The following CYTH1 variants were observed in gnomAD, a reference collection of about 807,000 sequenced individuals.
CYTH1 encodes cytohesin-1.
A neutral mutation model predicts 61.8 loss-of-function variants in CYTH1; 18 were observed. The ratio of observed to expected loss-of-function variants is 0.29; its 90% confidence interval spans 0.20 to 0.43. The LOEUF is 0.43. CYTH1 is among the 20% of genes least tolerant of loss of function. The pLI is 1.00. For missense variants in CYTH1, 336 were observed against 510.5 expected, an observed-to-expected ratio of 0.66 and a Z score of 3.29; for synonymous variants, 174 against 184.3, an observed-to-expected ratio of 0.94 and a Z score of 0.45.
intron 1 of CYTH1, among the ~76,000 whole-genome samples, chr17:78,735,365 C>T (rs1281430274): frequency 6.6e-6 from 1 of 152,238 alleles, no homozygotes; most frequent in African/African-American, 2.4e-5. Flanking sequence ...AGGCCCGGCT[C>T]ACTCCTGCTG....
chr17:78,727,182 C>T (rs1356615387), intron 1 of CYTH1, among the ~76,000 whole-genome samples: 1 of 152,222 alleles, frequency 6.6e-6, no homozygotes, highest in Non-Finnish European at 1.5e-5. Flanking sequence ...GCCCATGAGG[C>T]GTCCCCAAAC....
chr17:78,735,426 G>A (rs1266338568), intron 1 of CYTH1, among the ~76,000 whole-genome samples: 2 of 152,166 alleles, frequency 1.3e-5, no homozygotes, highest in African/African-American at 4.8e-5. Context: ...TGTTCCCTTT[G>A]GAACTAGATC....
chr17:78,754,006 T>C (rs2093390824), intron 1 of CYTH1, among the ~76,000 whole-genome samples: 1 of 152,260 alleles, frequency 6.6e-6, no homozygotes, highest in South Asian at 2.1e-4. Flanking sequence ...TGCAAACACC[T>C]GGCTGATGGC....
intron 1 of CYTH1, among the ~76,000 whole-genome samples, chr17:78,748,954 C>T (rs573358880): frequency 1.3e-5 from 2 of 152,296 alleles, no homozygotes; most frequent in African/African-American, 4.8e-5. Context: ...CAGCGCGGTC[C>T]TGCCACAGCC....
At chr17:78,777,955 GCACA>G (rs1034033175) in intron 1 of CYTH1, among the ~76,000 whole-genome samples, 1 of 151,970 alleles carries the variant, frequency 6.6e-6, no homozygotes, top group African/African-American at 2.4e-5. Context: ...TGAAAACAGC[GCACA>G]CACAAAGTTA....
intron 1 of CYTH1, among the ~76,000 whole-genome samples, chr17:78,762,883 A>G (rs923526230): frequency 2.0e-5 from 3 of 152,172 alleles, no homozygotes; most frequent in African/African-American, 7.2e-5. Context: ...GCTGAAATAC[A>G]TTTTGGCCCA....
chr17:78,763,301 C>A (rs1326110404), intron 1 of CYTH1, among the ~76,000 whole-genome samples: 2 of 146,896 alleles, frequency 1.4e-5, no homozygotes, highest in African/African-American at 2.5e-5. Context: ...CGAGGCCGTG[C>A]CAAAAAAAAA....
At chr17:78,720,781 G>A (rs146715495) in intron 1 of CYTH1, among the ~76,000 whole-genome samples, 1 of 152,202 alleles carries the variant, frequency 6.6e-6, no homozygotes, top group Non-Finnish European at 1.5e-5. Flanking sequence ...AGGCTGAGGT[G>A]CGAGGACCGC....
intron 1 of CYTH1, among the ~76,000 whole-genome samples, chr17:78,743,646 T>C (rs750762801): frequency 1.4e-4 from 22 of 152,246 alleles, no homozygotes; most frequent in Admixed American, 3.3e-4. Flanking sequence ...TCCTTTTTGA[T>C]AGCAGCCTAT....
At chr17:78,762,981 T>C (rs761831100) in intron 1 of CYTH1, among the ~76,000 whole-genome samples, 2 of 152,222 alleles carry the variant, frequency 1.3e-5, no homozygotes, top group Non-Finnish European at 2.9e-5. Context: ...TAATTTGTTA[T>C]GGCAGCAACA....
intron 1 of CYTH1, among the ~76,000 whole-genome samples, chr17:78,754,518 CT>C (rs1007977300): frequency 2.0e-4 from 31 of 151,666 alleles, no homozygotes; most frequent in Non-Finnish European, 4.4e-5. Flanking sequence ...TAATTTTTTT[CT>C]TTTTTATTTG....
chr17:78,696,096 A>G, intron 9 of CYTH1, 87 bp from the exon 10 acceptor site: 1 of 1,355,694 alleles, frequency 7.4e-7, no homozygotes, highest in Non-Finnish European at 9.8e-7. Flanking sequence ...AAGAAATTAA[A>G]CCCGATTCCT....
intron 1 of CYTH1, among the ~76,000 whole-genome samples, chr17:78,725,187 A>G (rs8069161): frequency 0.065 from 9,848 of 151,874 alleles, 582 homozygotes; most frequent in East Asian, 0.18. Context: ...GCTCATCCTC[A>G]CCATCCGCCA....
At chr17:78,715,265 C>A (rs2093171189) in intron 1 of CYTH1, among the ~76,000 whole-genome samples, 1 of 152,170 alleles carries the variant, frequency 6.6e-6, no homozygotes, top group African/African-American at 2.4e-5. Flanking sequence ...CGCAGTGGAA[C>A]TTTCAAAATT....
rs1036644029 is a variant in CYTH1 at position 78,717,251 on chromosome 17, C to T, written c.23-7519G>A. Reference sequence around the variant, plus strand: ...AACCAGAGGGGGAGCCGCCCTGACACACCACCCGGTCGCTCGCCCTCCTCG... The same window carrying T: ...AACCAGAGGGGGAGCCGCCCTGACATACCACCCGGTCGCTCGCCCTCCTCG... On this transcript the variant is annotated intron_variant, in intron 1 of 13. Coordinates refer to ENST00000446868, the MANE Select transcript of CYTH1 (RefSeq NM_004762.6). This position sits in a 1 kb window ranked among gnomAD's most constrained non-coding sequence, Gnocchi z 4.4. Among the ~76,000 whole-genome samples the T allele has an allele frequency of 6.6e-6, 1 of 152,198 alleles. No homozygotes were observed. The highest frequency in any genetic ancestry group is 2.4e-5 in the African/African-American group (1 of 41,440).
chr17:78,681,057 AAGAG>A lies in CYTH1; in HGVS notation c.892-19_892-16del. 1 of 1,611,162 alleles carries A rather than the reference AAGAG, an allele frequency of 6.2e-7. No homozygotes were observed. The highest frequency in any genetic ancestry group is 8.5e-7 in the Non-Finnish European group (1 of 1,179,136). On this transcript the variant is annotated splice_polypyrimidine_tract_variant and intron_variant, in intron 11 of 13. Coordinates refer to ENST00000446868, the MANE Select transcript of CYTH1 (RefSeq NM_004762.6). ...GGCTCCTTATCCTACAGAACAGTTG[AAGAG>A]AGGAAGTTTAAGATCACAGTTTAAG... is the stretch of plus-strand genomic sequence containing the variant.
chr17:78,697,318 T>C (rs1352941878), intron 9 of CYTH1, among the ~76,000 whole-genome samples: 24 of 105,788 alleles, frequency 2.3e-4, no homozygotes, highest in Non-Finnish European at 3.5e-4. Flanking sequence ...AGTACCCTGC[T>C]AGTGTCCAAA....
intron 11 of CYTH1, among the ~76,000 whole-genome samples, chr17:78,683,822 C>CGGTG (rs2092788591): frequency 6.6e-6 from 1 of 152,158 alleles, no homozygotes; most frequent in African/African-American, 2.4e-5. Flanking sequence ...CTGGTTTTTA[C>CGGTG]CCTCCCCATT....
At chr17:78,761,162 C>T (rs1220808138) in intron 1 of CYTH1, among the ~76,000 whole-genome samples, 1 of 152,050 alleles carries the variant, frequency 6.6e-6, no homozygotes, top group Non-Finnish European at 1.5e-5. Context: ...AGTCACATAG[C>T]AATGCTACAA....
Sources: gnomAD v4.1 joint callset for allele counts (sites outside exome capture counted in the v4.1 genomes callset) on GRCh38, gnomAD v4.1.1 for gene constraint, Gnocchi (gnomAD v3.1) non-coding constraint, MANE v1.5 for transcripts, NCBI Gene and HGNC (gene_info 2026-07-23, HGNC 2026-07-21) for gene names.